The following DCHS2 variants were observed in gnomAD, a reference collection of about 807,000 sequenced individuals.
DCHS2 encodes the protein protocadherin-23.
In DCHS2, 142 loss-of-function variants were observed where a neutral mutation model predicts 182.4. The ratio of observed to expected loss-of-function variants is 0.78; its 90% CI spans 0.68 to 0.89. The LOEUF (loss-of-function observed/expected upper bound fraction) is 0.89. Ranked by LOEUF, DCHS2 falls within the 40% of genes least tolerant of loss-of-function variation. The probability of loss-of-function intolerance (pLI) is 0.00; values close to 1 mark genes in which losing one functional copy is unlikely to be tolerated. For missense variants in DCHS2, 4,319 were observed against 4,198.6 expected (o/e 1.03, Z -0.79); for synonymous variants, 1,740 against 1,663.3 (o/e 1.05, Z -1.12).
chr4:154,376,548 G>GA (rs980055696), intron 2 of DCHS2, among the ~76,000 whole-genome samples: 6 of 152,140 alleles, frequency 3.9e-5, no homozygotes, highest in Non-Finnish European at 7.4e-5. Context: ...GTTGTTGTGA[G>GA]AACATTTTCC....
chr4:154,442,543 AC>A (rs1560761194), intron 1 of DCHS2, among the ~76,000 whole-genome samples: 6 of 47,456 alleles, frequency 1.3e-4, no homozygotes, highest in East Asian at 1.8e-3. Context: ...CCCCCCCCCC[AC>A]ACACACACAC....
In DCHS2 at chr4:154,235,585, C is replaced by CTT; in HGVS notation, c.9065_9066dup (p.Asp3023LysfsTer4). Reference sequence around the variant, plus strand: ...TTCTCCTCATAATTGTTTATTGTGTCTTTTTGTTTATGTCTTAAAATCATT... The same window carrying CTT: ...TTCTCCTCATAATTGTTTATTGTGTCTTTTTTTGTTTATGTCTTAAAATCATT... On this transcript the variant is annotated frameshift_variant, in exon 20 of 20. Transcript: ENST00000357232. LOFTEE classifies it low-confidence loss of function (END_TRUNC). 5 of 1,613,982 alleles carry CTT rather than the reference C, an allele frequency of 3.1e-6. No individual in the cohort carries two copies. The highest frequency in any genetic ancestry group is 4.2e-6 in the Non-Finnish European group (5 of 1,179,938).
intron 13 of DCHS2, among the ~76,000 whole-genome samples, chr4:154,271,891 A>G (rs565839319): frequency 1.3e-5 from 2 of 152,132 alleles, no homozygotes; most frequent in Non-Finnish European, 2.9e-5. Context: ...TATCATGATC[A>G]TAGAATATAT....
chr4:154,368,229 A>T (rs1302715044), intron 2 of DCHS2, among the ~76,000 whole-genome samples: 3 of 152,158 alleles, frequency 2.0e-5, no homozygotes, highest in Non-Finnish European at 4.4e-5. Flanking sequence ...TGATAAGCTT[A>T]TAGAAAATAT....
chr4:154,421,495 A>C (rs889831278), intron 1 of DCHS2, among the ~76,000 whole-genome samples: 4 of 152,098 alleles, frequency 2.6e-5, no homozygotes, highest in African/African-American at 7.2e-5. Context: ...CCGTGGTTTA[A>C]GCGATTCTCC....
At chr4:154,463,102 T>C (rs1213364613) in intron 1 of DCHS2, among the ~76,000 whole-genome samples, 2 of 151,720 alleles carry the variant, frequency 1.3e-5, no homozygotes, top group East Asian at 1.9e-4. Flanking sequence ...TGTATACATA[T>C]GTACATACTT....
Position 154,451,283 on chromosome 4 carries a change from A to C in DCHS2, c.2052+38021T>G, listed in dbSNP as rs114247496. ...AGAGCAAAGCCCTGCCATTCTCTGCAGACAACTACTCTCCCTTTTGAGAAA... is the reference window on the plus strand; with the variant it reads ...AGAGCAAAGCCCTGCCATTCTCTGCCGACAACTACTCTCCCTTTTGAGAAA... On this transcript the variant is annotated intron_variant, in intron 1 of 19. Coordinates refer to ENST00000357232, the MANE Select transcript of DCHS2 (RefSeq NM_001358235.2). Among the ~76,000 whole-genome samples, 1,009 of 152,302 alleles carry C rather than the reference A, an allele frequency of 6.6e-3. 6 individuals are homozygous for C. Among genetic ancestry groups the C allele is most frequent in the African/African-American group, 0.011 (477 of 41,564 alleles).
intron 13 of DCHS2, among the ~76,000 whole-genome samples, chr4:154,274,484 A>T (rs1269297080): frequency 6.6e-6 from 1 of 152,184 alleles, no homozygotes; most frequent in Non-Finnish European, 1.5e-5. Flanking sequence ...CTTAAATTGG[A>T]CTAAGTTCCA....
intron 1 of DCHS2, among the ~76,000 whole-genome samples, chr4:154,384,823 G>A (rs1302085032): frequency 6.6e-6 from 1 of 152,110 alleles, no homozygotes; most frequent in Non-Finnish European, 1.5e-5. Context: ...AGAGCCCCCA[G>A]AAGGAGCACA....
At chr4:154,463,740 C>T (rs1735120394) in intron 1 of DCHS2, among the ~76,000 whole-genome samples, 1 of 151,672 alleles carries the variant, frequency 6.6e-6, no homozygotes, top group African/African-American at 2.4e-5. Context: ...CTCTCTCTCC[C>T]TCCTTCTGTC....
chr4:154,309,023 A>T (rs1279675977), intron 10 of DCHS2, among the ~76,000 whole-genome samples: 1 of 152,178 alleles, frequency 6.6e-6, no homozygotes, highest in Admixed American at 6.5e-5. Flanking sequence ...GTCCCATATG[A>T]TGTGGGCTCT....
intron 1 of DCHS2, among the ~76,000 whole-genome samples, chr4:154,426,225 T>C (rs1241317865): frequency 1.3e-5 from 2 of 152,336 alleles, no homozygotes; most frequent in South Asian, 4.1e-4. Context: ...CAAAAAATTC[T>C]AGTTCATTTT....
At chr4:154,382,914 G>A (rs1385793869) in intron 1 of DCHS2, among the ~76,000 whole-genome samples, 1 of 152,170 alleles carries the variant, frequency 6.6e-6, no homozygotes, top group African/African-American at 2.4e-5. Flanking sequence ...ATGCAAATTA[G>A]TTCAGCCACT....
chr4:154,457,431 A>C (rs1370512925), intron 1 of DCHS2, among the ~76,000 whole-genome samples: 1 of 152,202 alleles, frequency 6.6e-6, no homozygotes, highest in East Asian at 1.9e-4. Context: ...CTAAATGAGA[A>C]AGTACTCACC....
chr4:154,258,543 A>G (rs539744904), intron 15 of DCHS2, among the ~76,000 whole-genome samples: 41 of 151,882 alleles, frequency 2.7e-4, no homozygotes, highest in African/African-American at 9.4e-4. Flanking sequence ...ACACCAGGCT[A>G]GTTTTATATT....
At chr4:154,259,272 A>C (rs1454281691) in intron 15 of DCHS2, among the ~76,000 whole-genome samples, 2 of 152,208 alleles carry the variant, frequency 1.3e-5, no homozygotes, top group East Asian at 3.8e-4. Context: ...ATAAATGCAT[A>C]CTTCTAGTGC....
chr4:154,402,824 C>A (rs1003018374), intron 1 of DCHS2, among the ~76,000 whole-genome samples: 1 of 152,078 alleles, frequency 6.6e-6, no homozygotes, highest in Non-Finnish European at 1.5e-5. Flanking sequence ...ACATTATATA[C>A]CTCTCCATTT....
intron 3 of DCHS2, among the ~76,000 whole-genome samples, chr4:154,357,894 T>G (rs1343262143): frequency 6.6e-6 from 1 of 152,192 alleles, no homozygotes; most frequent in Non-Finnish European, 1.5e-5. Context: ...AACTTCTCCT[T>G]TATTCTGTCA....
intron 13 of DCHS2, among the ~76,000 whole-genome samples, chr4:154,287,228 GA>G (rs1316717287): frequency 2.0e-5 from 3 of 152,092 alleles, no homozygotes; most frequent in Non-Finnish European, 4.4e-5. Flanking sequence ...CAATCAGAAA[GA>G]AAAGGACATT....
Sources: allele counts gnomAD v4.1 joint callset (sites outside exome capture counted in the v4.1 genomes callset), GRCh38; gene constraint gnomAD v4.1.1; transcripts MANE v1.5; gene names NCBI Gene and HGNC (gene_info 2026-07-23, HGNC 2026-07-21).